NT5DC1: variants seen among roughly 807,000 people sequenced by gnomAD.
NT5DC1 encodes 5'-nucleotidase domain-containing protein 1.
In NT5DC1, 42 loss-of-function variants were observed where a neutral mutation model predicts 59.4. That is an observed-to-expected ratio of 0.71 (90% CI 0.55 to 0.92). The LOEUF is 0.92. Among genes scored for constraint, NT5DC1 ranks in the 40% least tolerant of loss-of-function variants. The pLI, the probability that NT5DC1 is intolerant of heterozygous loss-of-function variation, is 0.00. For synonymous variants in NT5DC1, 172 were observed against 188.1 expected (o/e 0.91, Z 0.70); for missense variants, 501 against 537.1 (o/e 0.93, Z 0.66).
At chr6:116,166,482 T>A (rs1447378328) in intron 6 of NT5DC1, among the ~76,000 whole-genome samples, 3 of 152,222 alleles carry the variant, frequency 2.0e-5, no homozygotes, top group Non-Finnish European at 4.4e-5. Context: ...GTAAATGGTA[T>A]TGGGAATAGT....
chr6:116,117,977 G>A (rs376084658), intron 6 of NT5DC1, 32 bp downstream of exon 6: 27 of 1,055,622 alleles, frequency 2.6e-5, no homozygotes, highest in East Asian at 4.7e-5. Flanking sequence ...CTTCTAATAC[G>A]TGTTTGTTAA....
chr6:116,193,868 C>G (rs978612727), intron 6 of NT5DC1, among the ~76,000 whole-genome samples: 7 of 151,816 alleles, frequency 4.6e-5, no homozygotes, highest in African/African-American at 1.7e-4. Context: ...CCCAGTTGTT[C>G]GAAACCAGCC....
chr6:116,188,625 A>G (rs1781053387), intron 6 of NT5DC1, among the ~76,000 whole-genome samples: 1 of 152,022 alleles, frequency 6.6e-6, no homozygotes, highest in African/African-American at 2.4e-5. Flanking sequence ...CAGAAAAGTA[A>G]GGATGTACCA....
rs1217521523 is a variant in NT5DC1, at chr6:116,238,290, G to C, written c.1025G>C (p.Gly342Ala). 5.6e-6 allele frequency: 9 copies of C among 1,613,196 alleles called. No individual in the cohort carries two copies. Among genetic ancestry groups the C allele is most frequent in the Admixed American group, 1.7e-5 (1 of 59,946 alleles). Residue 342 changes from glycine to alanine, a missense_variant, in exon 10 of 12, where the codon GGC becomes GCC. Transcript: ENST00000319550. Reference protein sequence around the residue: ...LILEELRGDEGTRSQRPEESE... With the variant: ...LILEELRGDEATRSQRPEESE... ...CTGGAAGAACTCAGAGGGGATGAAG[G>C]CACGAGGAGTCAGAGGCCTGAGGAG... is the stretch of plus-strand genomic sequence containing the variant.
chr6:116,117,991 A>G (rs1396184467), intron 6 of NT5DC1, 46 bp downstream of exon 6: 4 of 949,232 alleles, frequency 4.2e-6, no homozygotes, highest in Non-Finnish European at 5.2e-6. Flanking sequence ...TTGTTAAGCT[A>G]TGTTTGTCTA....
intron 6 of NT5DC1, among the ~76,000 whole-genome samples, chr6:116,151,507 C>A (rs1780037091): frequency 6.6e-6 from 1 of 152,166 alleles, no homozygotes; most frequent in African/African-American, 2.4e-5. Context: ...TGAGCACTTA[C>A]ATGCTGCTCC....
intron 1 of NT5DC1, among the ~76,000 whole-genome samples, chr6:116,105,947 G>A (rs995614703): frequency 1.3e-5 from 2 of 152,140 alleles, no homozygotes; most frequent in African/African-American, 4.8e-5. Context: ...AAAAAGCTTT[G>A]TCAAGTCTTA....
intron 6 of NT5DC1, among the ~76,000 whole-genome samples, chr6:116,161,055 A>G (rs992125693): frequency 6.6e-6 from 1 of 151,866 alleles, no homozygotes; most frequent in East Asian, 1.9e-4. Context: ...CATGGATGAA[A>G]TTGGAAATCA....
chr6:116,100,904 G>C lies in NT5DC1; in HGVS notation c.-27G>C, dbSNP rs1778626327. ...GCTCCTTGCACCCTTCGCGGCCGAG[G>C]CGCTCCCTGGTGCTCCCCGCGCAGC... On this transcript the variant is annotated 5_prime_UTR_variant, in exon 1 of 12. Coordinates refer to ENST00000319550, the MANE Select transcript of NT5DC1 (RefSeq NM_152729.3). The C allele has an allele frequency of 6.4e-7, 1 of 1,573,890 alleles. No homozygotes were observed. Among genetic ancestry groups the C allele is most frequent in the South Asian group, 1.1e-5 (1 of 87,940 alleles).
intron 6 of NT5DC1, among the ~76,000 whole-genome samples, chr6:116,146,329 A>C (rs550121067): frequency 3.3e-5 from 5 of 152,188 alleles, no homozygotes; most frequent in Non-Finnish European, 7.3e-5. Flanking sequence ...TCAACCTGTG[A>C]TTTTTAGACA....
At chr6:116,236,769 C>G (rs1039215122) in intron 8 of NT5DC1, among the ~76,000 whole-genome samples, 197 bp from the exon 9 acceptor site, 1 of 152,032 alleles carries the variant, frequency 6.6e-6, no homozygotes, top group Non-Finnish European at 1.5e-5. Flanking sequence ...CTTATTTTCC[C>G]CAATTAAGAA....
rs147060133 is a variant in NT5DC1 at position 116,167,445 on chromosome 6, C to T, written c.529+49500C>T. ...GCCAGGATGGTCTCAATCTCCTGGC[C>T]TTGTGATCCACTTGCCTTGGCCTCC... is the stretch of plus-strand genomic sequence containing the variant. On this transcript the variant is annotated intron_variant, in intron 6 of 11. Coordinates refer to ENST00000319550, the MANE Select transcript of NT5DC1 (RefSeq NM_152729.3). 8.3e-3 allele frequency among the ~76,000 whole-genome samples: 1,262 copies of T among 152,152 alleles called. 24 individuals carry two copies. The highest frequency in any genetic ancestry group is 0.029 in the African/African-American group (1,187 of 41,516).
At chr6:116,188,779 T>C (rs901009016) in intron 6 of NT5DC1, among the ~76,000 whole-genome samples, 1 of 151,938 alleles carries the variant, frequency 6.6e-6, no homozygotes, top group Non-Finnish European at 1.5e-5. Flanking sequence ...GATTTATGTT[T>C]TTTGTCTTTT....
intron 6 of NT5DC1, among the ~76,000 whole-genome samples, chr6:116,180,771 A>G (rs888069760): frequency 2.0e-5 from 3 of 152,090 alleles, no homozygotes; most frequent in Non-Finnish European, 4.4e-5. Context: ...ACCCAATTTC[A>G]TCAGTGAATA....
chr6:116,120,071 A>G (rs1264721626), intron 6 of NT5DC1: 1 of 1,517,394 alleles, frequency 6.6e-7, no homozygotes, highest in Non-Finnish European at 9.1e-7. Flanking sequence ...CTCTGTGTGT[A>G]CTCACATTGG....
Position 116,237,097 on chromosome 6 carries a change from TGAG to T in NT5DC1, c.921+17_921+19del, listed in dbSNP as rs761376866. 1 of 1,478,464 alleles carries T rather than the reference TGAG, an allele frequency of 6.8e-7. No individual in the cohort carries two copies. Among genetic ancestry groups the T allele is most frequent in the East Asian group, 2.3e-5 (1 of 44,288 alleles). The allele number at this position is 1,478,464 out of a possible 1,614,324, so 91.6% of individuals were successfully genotyped here. A position where few individuals can be genotyped will look rare whatever the true frequency, so the allele number is the denominator to read the frequency against. Reference sequence around the variant, plus strand: ...ACCTGAACCCAAGGTATTTCCCAGTTGAGGAGAAGTCCTCAGTGCCCACTTGCA... The same window carrying T: ...ACCTGAACCCAAGGTATTTCCCAGTTGAGAAGTCCTCAGTGCCCACTTGCA... On this transcript the variant is annotated intron_variant, in intron 9 of 11. Coordinates refer to ENST00000319550, the MANE Select transcript of NT5DC1 (RefSeq NM_152729.3).
At chr6:116,126,961 CTG>C (rs1332385048) in intron 6 of NT5DC1, among the ~76,000 whole-genome samples, 1 of 152,076 alleles carries the variant, frequency 6.6e-6, no homozygotes, top group Non-Finnish European at 1.5e-5. Flanking sequence ...TAGTTAGACT[CTG>C]TTTAACAATA....
chr6:116,193,692 T>C (rs1026673615), intron 6 of NT5DC1, among the ~76,000 whole-genome samples: 3 of 152,078 alleles, frequency 2.0e-5, no homozygotes, highest in African/African-American at 7.2e-5. Context: ...AAGCGTGCTT[T>C]AATTTTAACT....
chr6:116,227,681 T>C (rs990821729), intron 8 of NT5DC1, among the ~76,000 whole-genome samples: 1 of 152,222 alleles, frequency 6.6e-6, no homozygotes, highest in Non-Finnish European at 1.5e-5. Context: ...TGATATCTCA[T>C]TATGGTTTTA....
Sources: gnomAD v4.1 joint callset for allele counts (sites outside exome capture counted in the v4.1 genomes callset) on GRCh38, gnomAD v4.1.1 for gene constraint, MANE v1.5 for transcripts, NCBI Gene and HGNC (gene_info 2026-07-23, HGNC 2026-07-21) for gene names.